VDR: variants seen among roughly 807,000 people sequenced by gnomAD.
The protein encoded by VDR is vitamin D receptor.
Under a neutral mutation model 39.7 loss-of-function variants are expected in VDR, and 19 were observed. That is an observed-to-expected ratio of 0.48 (90% CI 0.33 to 0.70). The LOEUF is 0.70. Among genes scored for constraint, VDR ranks in the 30% least tolerant of loss-of-function variants. VDR has a pLI of 0.02. For missense variants in VDR, 442 were observed against 570.5 expected, an observed-to-expected ratio of 0.77 and a Z score of 2.29; for synonymous variants, 242 against 215.8, an observed-to-expected ratio of 1.12 and a Z score of -1.07.
In VDR at chr12:47,843,106, T is replaced by C. The variant is rs554735374; in HGVS notation, c.*1640A>G. ...GAGTCTGAAAACAACTCATATCTAA[T>C]AAATTTAAGATTAAGCGATATATAT... On this transcript the variant is annotated 3_prime_UTR_variant, in exon 10 of 10. Coordinates refer to ENST00000549336, the MANE Select transcript of VDR (RefSeq NM_000376.3). 6.6e-6 allele frequency: 1 copy of C among 152,290 alleles called. No homozygotes were observed. Among genetic ancestry groups the C allele is most frequent in the South Asian group, 2.1e-4 (1 of 4,820 alleles). 9.4% of individuals were successfully genotyped at this position (152,290 alleles called of 1,614,324 possible). A position where few individuals can be genotyped will look rare whatever the true frequency, so the allele number is the denominator to read the frequency against.
intron 3 of VDR, among the ~76,000 whole-genome samples, chr12:47,871,187 T>C (rs929902003): frequency 3.9e-4 from 60 of 152,160 alleles, no homozygotes; most frequent in African/African-American, 1.4e-3. Flanking sequence ...GATCGGTCCA[T>C]GGGCGCAATG....
At position 47,841,825 on chromosome 12, in the gene VDR, C is replaced by T. The variant is rs1020644663; in HGVS notation, c.*2921G>A. ...TTAGCCAGCCAGAGGATTTTCCTGT[C>T]TCTGGGAATCTTGTGGAAAATCTTG... On this transcript the variant is annotated 3_prime_UTR_variant, in exon 10 of 10. Transcript: ENST00000549336. The T allele has an allele frequency of 2.0e-5, 3 of 152,364 alleles. No homozygotes were observed. Among genetic ancestry groups the T allele is most frequent in the Non-Finnish European group, 4.4e-5 (3 of 68,050 alleles). 9.4% of individuals were successfully genotyped at this position (152,364 alleles called of 1,614,324 possible). A position where few individuals can be genotyped will look rare whatever the true frequency, so the allele number is the denominator to read the frequency against.
chr12:47,843,477 CG>C lies in VDR; in HGVS notation c.*1268del, dbSNP rs1277673781. The C allele has an allele frequency of 6.6e-6, 1 of 152,410 alleles. No homozygotes were observed. Among genetic ancestry groups the C allele is most frequent in the Non-Finnish European group, 1.5e-5 (1 of 68,152 alleles). The allele number at this position is 152,410 out of a possible 1,614,324, so 9.4% of individuals were successfully genotyped here. A position where few individuals can be genotyped will look rare whatever the true frequency, so the allele number is the denominator to read the frequency against. On this transcript the variant is annotated 3_prime_UTR_variant, in exon 10 of 10. Coordinates refer to ENST00000549336, the MANE Select transcript of VDR (RefSeq NM_000376.3). ...CACAAAGACCCCACCTTGGAGTAAA[CG>C]GACAGACGCTTCCCACCAGCTGGGC...
chr12:47,869,504 T>C (rs1326468371), intron 3 of VDR, among the ~76,000 whole-genome samples: 7 of 122,390 alleles, frequency 5.7e-5, no homozygotes, highest in African/African-American at 9.4e-5. Flanking sequence ...CCACTACACT[T>C]CAGCCTGGGG....
chr12:47,901,007 C>T (rs1273363022), intron 1 of VDR, among the ~76,000 whole-genome samples: 1 of 152,216 alleles, frequency 6.6e-6, no homozygotes, highest in Non-Finnish European at 1.5e-5. Flanking sequence ...TCACAGAGTA[C>T]TGACTGCTTC....
intron 4 of VDR, among the ~76,000 whole-genome samples, chr12:47,864,117 C>G (rs1288194583): frequency 6.6e-6 from 1 of 152,138 alleles, no homozygotes; most frequent in African/African-American, 2.4e-5. Context: ...GGGTGGGGGT[C>G]TGGATGCAGA....
chr12:47,846,872 T>A, intron 7 of VDR, 64 bp from the exon 8 acceptor site: 1 of 1,594,488 alleles, frequency 6.3e-7, no homozygotes, highest in Non-Finnish European at 8.6e-7. Flanking sequence ...CACAAATCAG[T>A]TTAGTGCTTT....
chr12:47,864,081 G>C (rs1268035194), intron 4 of VDR, among the ~76,000 whole-genome samples: 1 of 152,208 alleles, frequency 6.6e-6, no homozygotes, highest in Middle Eastern at 3.2e-3. Context: ...CCACAGCTAG[G>C]AGGGCCTGGG....
chr12:47,857,112 A>C lies in VDR; in HGVS notation c.583+17T>G, dbSNP rs1315050137. 9 of 1,613,838 alleles carry C rather than the reference A, an allele frequency of 5.6e-6. No homozygotes were observed. The highest frequency in any genetic ancestry group is 7.6e-6 in the Non-Finnish European group (9 of 1,179,950). On this transcript the variant is annotated intron_variant, in intron 6 of 9. Transcript: ENST00000549336. ...CCCCCGCTCCCTTACTCTATGGAGG[A>C]CTGAAGTCCTGCTTACCTGAAGAGG...
At chr12:47,848,275 C>G (rs1459349813) in intron 7 of VDR, among the ~76,000 whole-genome samples, 3 of 152,026 alleles carry the variant, frequency 2.0e-5, no homozygotes, top group Non-Finnish European at 4.4e-5. Context: ...AAGTGATCCT[C>G]TCATCTTGGC....
In VDR at chr12:47,844,596, G is replaced by A. The variant is rs1592093259; in HGVS notation, c.*150C>T. 2.8e-6 allele frequency: 3 copies of A among 1,065,994 alleles called. No homozygotes were observed. The highest frequency in any genetic ancestry group is 1.6e-5 in the African/African-American group (1 of 64,410). 66.0% of individuals were successfully genotyped at this position (1,065,994 alleles called of 1,614,324 possible). A position where few individuals can be genotyped will look rare whatever the true frequency, so the allele number is the denominator to read the frequency against. ...GAAAGGGGTTAGGTTGGACAGGAGA[G>A]AGAATGGGCTGGGTGGATAGGGGAG... On this transcript the variant is annotated 3_prime_UTR_variant, in exon 10 of 10. Coordinates refer to ENST00000549336, the MANE Select transcript of VDR (RefSeq NM_000376.3).
intron 6 of VDR, among the ~76,000 whole-genome samples, chr12:47,856,794 G>A (rs929305942): frequency 3.3e-5 from 5 of 152,056 alleles, no homozygotes; most frequent in Admixed American, 3.3e-4. Context: ...CCTTCTGAAG[G>A]GCCCAGGATT....
At chr12:47,864,905 C>G in intron 4 of VDR, 142 bp downstream of exon 4, 1 of 1,400,306 alleles carries the variant, frequency 7.1e-7, no homozygotes. Flanking sequence ...AGCTGCTGGT[C>G]CCACTGAGGC....
At chr12:47,852,054 C>A (rs1565610139) in intron 7 of VDR, among the ~76,000 whole-genome samples, 1 of 152,120 alleles carries the variant, frequency 6.6e-6, no homozygotes, top group East Asian at 1.9e-4. Flanking sequence ...TGGATAGGGG[C>A]CTTGAGCATG....
chr12:47,878,819 G>A, intron 3 of VDR, 149 bp downstream of exon 3: 1 of 1,255,406 alleles, frequency 8.0e-7, no homozygotes, highest in Non-Finnish European at 1.1e-6. Context: ...CACTCACCAA[G>A]ACCCTCCTGC....
intron 4 of VDR, among the ~76,000 whole-genome samples, chr12:47,863,105 G>A (rs1463808429): frequency 6.6e-6 from 1 of 152,174 alleles, no homozygotes; most frequent in Non-Finnish European, 1.5e-5. Flanking sequence ...CCCACCACGT[G>A]GTAGGGTGCT....
intron 1 of VDR, among the ~76,000 whole-genome samples, chr12:47,885,482 G>A (rs978771035): frequency 3.2e-4 from 49 of 152,226 alleles, no homozygotes; most frequent in Middle Eastern, 3.2e-3. Context: ...TTGCAGGGTG[G>A]CAATTGCCAG....
At chr12:47,851,978 A>G (rs1434300179) in intron 7 of VDR, among the ~76,000 whole-genome samples, 1 of 152,200 alleles carries the variant, frequency 6.6e-6, no homozygotes, top group Non-Finnish European at 1.5e-5. Context: ...GGCAGACTTC[A>G]ACTTAACCTC....
chr12:47,870,506 T>C (rs1945829235), intron 3 of VDR, among the ~76,000 whole-genome samples: 1 of 152,122 alleles, frequency 6.6e-6, no homozygotes, highest in African/African-American at 2.4e-5. Context: ...CCAAGCTAAA[T>C]ATAGATGCAG....
Sources: allele counts gnomAD v4.1 joint callset (sites outside exome capture counted in the v4.1 genomes callset), GRCh38; gene constraint gnomAD v4.1.1; transcripts MANE v1.5; gene names NCBI Gene and HGNC (gene_info 2026-07-23, HGNC 2026-07-21).